GALNT7: variants seen among roughly 807,000 people sequenced by gnomAD.
The protein encoded by GALNT7 is N-acetylgalactosaminyltransferase 7.
A neutral mutation model predicts 82.1 loss-of-function variants in GALNT7; 60 were observed. That is an observed-to-expected ratio of 0.73 (90% CI 0.59 to 0.91). The LOEUF is 0.91. GALNT7 is among the 40% of genes least tolerant of loss of function. The pLI is 0.00. For missense variants in GALNT7, 660 were observed against 804.2 expected, an observed-to-expected ratio of 0.82 and a Z score of 2.17; for synonymous variants, 243 against 275.1, an observed-to-expected ratio of 0.88 and a Z score of 1.15.
intron 1 of GALNT7, among the ~76,000 whole-genome samples, chr4:173,195,904 C>G (rs1732756957): frequency 6.6e-6 from 1 of 152,152 alleles, no homozygotes; most frequent in East Asian, 1.9e-4. Context: ...CTAAAACATG[C>G]CTCTTATTAA....
At chr4:173,201,805 T>A (rs938534598) in intron 1 of GALNT7, among the ~76,000 whole-genome samples, 4 of 152,222 alleles carry the variant, frequency 2.6e-5, no homozygotes, top group African/African-American at 9.6e-5. Context: ...CCTGCAAACA[T>A]CTTTTCATCA....
At chr4:173,309,848 T>A (rs1017885424) in intron 8 of GALNT7, among the ~76,000 whole-genome samples, 1 of 152,164 alleles carries the variant, frequency 6.6e-6, no homozygotes, top group East Asian at 1.9e-4. Context: ...CCAGGCATGA[T>A]TGACATTGCA....
intron 1 of GALNT7, among the ~76,000 whole-genome samples, chr4:173,224,840 G>T (rs371958346): frequency 1.7e-4 from 26 of 151,350 alleles, no homozygotes; most frequent in Non-Finnish European, 3.7e-4. Context: ...GTGAAACCCC[G>T]TCTCTACTAA....
chr4:173,289,433 C>T (rs1736458445), intron 2 of GALNT7, among the ~76,000 whole-genome samples: 1 of 152,172 alleles, frequency 6.6e-6, no homozygotes, highest in Non-Finnish European at 1.5e-5. Context: ...AAGAAATGCT[C>T]CACAGCAGAG....
At chr4:173,250,112 C>G (rs1427311473) in intron 2 of GALNT7, among the ~76,000 whole-genome samples, 1 of 152,100 alleles carries the variant, frequency 6.6e-6, no homozygotes, top group Admixed American at 6.6e-5. Flanking sequence ...AGAGTTGTGA[C>G]TTCTTTGCAT....
chr4:173,192,144 AAC>A (rs1463597890), intron 1 of GALNT7, among the ~76,000 whole-genome samples: 3 of 152,162 alleles, frequency 2.0e-5, no homozygotes, highest in Non-Finnish European at 2.9e-5. Context: ...GCAAGTAGAA[AAC>A]ACATATTTAA....
At chr4:173,294,378 A>G (rs937892565) in intron 3 of GALNT7, among the ~76,000 whole-genome samples, 2 of 152,050 alleles carry the variant, frequency 1.3e-5, no homozygotes, top group African/African-American at 4.8e-5. Flanking sequence ...AAAACTGGGT[A>G]CCAAAATAGA....
At chr4:173,173,665 G>T (rs1731950304) in intron 1 of GALNT7, among the ~76,000 whole-genome samples, 2 of 152,210 alleles carry the variant, frequency 1.3e-5, no homozygotes, top group South Asian at 4.1e-4. Context: ...TATGCTCCAT[G>T]ACCCAGGGTT....
At chr4:173,169,988 T>G (rs1731802466) in intron 1 of GALNT7, among the ~76,000 whole-genome samples, 1 of 151,996 alleles carries the variant, frequency 6.6e-6, no homozygotes, top group African/African-American at 2.4e-5. Context: ...CTGACATTCC[T>G]TGGATTTGGA....
At chr4:173,198,535 A>G (rs1579903214) in intron 1 of GALNT7, among the ~76,000 whole-genome samples, 1 of 152,208 alleles carries the variant, frequency 6.6e-6, no homozygotes. Flanking sequence ...GATAAGTTCT[A>G]TGACCAGATA....
chr4:173,182,371 G>A (rs1732274762), intron 1 of GALNT7, among the ~76,000 whole-genome samples: 1 of 152,098 alleles, frequency 6.6e-6, no homozygotes, highest in African/African-American at 2.4e-5. Flanking sequence ...GGTGAATTGA[G>A]ATACTTTTCC....
chr4:173,312,497 C>A (rs1221910469), intron 8 of GALNT7, among the ~76,000 whole-genome samples: 1 of 152,190 alleles, frequency 6.6e-6, no homozygotes, highest in African/African-American at 2.4e-5. Flanking sequence ...CTCACCCCCT[C>A]ACCTCCATAG....
intron 1 of GALNT7, among the ~76,000 whole-genome samples, chr4:173,237,495 G>A (rs550800821): frequency 6.6e-6 from 1 of 152,242 alleles, no homozygotes; most frequent in Non-Finnish European, 1.5e-5. Context: ...CAACACAAAT[G>A]CCACATTTGA....
chr4:173,176,037 C>T (rs2126619892), intron 1 of GALNT7, among the ~76,000 whole-genome samples: 1 of 151,694 alleles, frequency 6.6e-6, no homozygotes, highest in East Asian at 1.9e-4. Flanking sequence ...CGCGCCACTA[C>T]ACTCAAGCCT....
chr4:173,314,575 T>C lies in GALNT7; in HGVS notation c.1608+399T>C, dbSNP rs901636471. On this transcript the variant is annotated intron_variant, in intron 9 of 11. Coordinates refer to ENST00000265000, the MANE Select transcript of GALNT7 (RefSeq NM_017423.3). ...TGCAGTTCTATGTTCTTTCCAGGGG[T>C]TCTCACAACACCCAAAATCACCTAT... Among the ~76,000 whole-genome samples, 27 of 152,178 alleles carry C rather than the reference T, an allele frequency of 1.8e-4. 1 individual carries two copies. Among genetic ancestry groups the C allele is most frequent in the Non-Finnish European group, 2.9e-5 (2 of 68,032 alleles).
chr4:173,206,019 C>T (rs1235008183), intron 1 of GALNT7, among the ~76,000 whole-genome samples: 1 of 151,396 alleles, frequency 6.6e-6, no homozygotes, highest in Non-Finnish European at 1.5e-5. Context: ...TAGTTACCAT[C>T]CTGGAACCTG....
chr4:173,201,213 C>A (rs1387055607), intron 1 of GALNT7, among the ~76,000 whole-genome samples: 6 of 152,024 alleles, frequency 3.9e-5, no homozygotes, highest in Non-Finnish European at 7.4e-5. Flanking sequence ...TTCTGGCCTT[C>A]ATTTTTCTGC....
intron 1 of GALNT7, among the ~76,000 whole-genome samples, chr4:173,225,371 T>C (rs1221264363): frequency 6.6e-6 from 1 of 152,194 alleles, no homozygotes; most frequent in Non-Finnish European, 1.5e-5. Flanking sequence ...ATCAAGAATT[T>C]GCAGGAAGAT....
At chr4:173,287,993 A>T (rs1350578183) in intron 2 of GALNT7, among the ~76,000 whole-genome samples, 1 of 152,160 alleles carries the variant, frequency 6.6e-6, no homozygotes, top group Non-Finnish European at 1.5e-5. Flanking sequence ...CTCAGAAAAG[A>T]ACATATGAGG....
Sources: gnomAD v4.1 joint callset for allele counts (sites outside exome capture counted in the v4.1 genomes callset) on GRCh38, gnomAD v4.1.1 for gene constraint, MANE v1.5 for transcripts, NCBI Gene and HGNC (gene_info 2026-07-23, HGNC 2026-07-21) for gene names.